The following FAM133A variants were observed in gnomAD, a reference collection of about 807,000 sequenced individuals.
FAM133A encodes the protein protein FAM133A.
For missense variants in FAM133A, 159 were observed against 164.4 expected, an observed-to-expected ratio of 0.97 and a Z score of 0.18; for synonymous variants, 65 against 58.6, an observed-to-expected ratio of 1.11 and a Z score of -0.50.
chrX:93,697,167 T>TTATATATATA (rs767010042), intron 2 of FAM133A, among the ~76,000 whole-genome samples: 45 of 93,725 alleles, frequency 4.8e-4, no homozygotes, highest in African/African-American at 1.9e-3. Flanking sequence ...TATAGGCAAG[T>TTATATATATA]TATATATATA....
chrX:93,709,579 G>A lies in FAM133A; in HGVS notation c.160G>A (p.Gly54Ser), dbSNP rs771153618. The A allele has an allele frequency of 8.3e-7, 1 of 1,200,866 alleles. No homozygotes were observed. The highest frequency in any genetic ancestry group is 1.1e-6 in the Non-Finnish European group (1 of 891,839). The change falls in exon 4 of 4, where the codon GGT (glycine) becomes AGT (serine). Residue 54 changes from glycine to serine, a missense_variant. Physicochemically the swap from Gly to Ser is moderately conservative, Grantham distance 56. Transcript: ENST00000683942. ...VKKQLENKKT[G>S]SKALAEFEEK... ...GAAACAATTAGAAAATAAAAAAACA[G>A]GTTCAAAAGCATTAGCTGAATTTGA... is the stretch of plus-strand genomic sequence containing the variant.
rs141172294 is a variant in FAM133A at position 93,688,196 on chromosome X, G to A, written c.-192-10201G>A. 1.9e-3 allele frequency among the ~76,000 whole-genome samples: 209 copies of A among 107,556 alleles called. 1 individual carries two copies. Among genetic ancestry groups the A allele is most frequent in the African/African-American group, 6.8e-3 (199 of 29,441 alleles). 93.4% of individuals were successfully genotyped at this position (107,556 alleles called of 115,157 possible). On this transcript the variant is annotated intron_variant, in intron 2 of 3. Transcript: ENST00000683942. Reference sequence around the variant, plus strand: ...ATATACACCAGGCAGTGGGATTGCTGGATCATATGGTAGTTCAATTTTTAG... The same window carrying A: ...ATATACACCAGGCAGTGGGATTGCTAGATCATATGGTAGTTCAATTTTTAG...
chrX:93,708,626 A>G (rs1264959830), intron 3 of FAM133A, among the ~76,000 whole-genome samples: 1 of 112,065 alleles, frequency 8.9e-6, no homozygotes, highest in Non-Finnish European at 1.9e-5. Flanking sequence ...AATAGAGACA[A>G]TGATAGGATC....
At chrX:93,694,373 G>A (rs1306749104) in intron 2 of FAM133A, among the ~76,000 whole-genome samples, 1 of 110,204 alleles carries the variant, frequency 9.1e-6, no homozygotes, top group African/African-American at 3.3e-5. Context: ...TTTAAAATTC[G>A]ATGTAGCGTG....
intron 2 of FAM133A, among the ~76,000 whole-genome samples, chrX:93,694,164 C>T (rs922568846): frequency 2.7e-5 from 3 of 110,422 alleles, no homozygotes; most frequent in African/African-American, 9.9e-5. Flanking sequence ...TATTACTGAG[C>T]ATCTTTTGAG....
chrX:93,706,977 G>A lies in FAM133A; in HGVS notation c.-103-2340G>A, dbSNP rs185440676. ...TTTCTGCTTAAAATAGTGTCTCCCC[G>A]TTAGCTTCACTGTAAATCCCACAGG... is the stretch of plus-strand genomic sequence containing the variant. On this transcript the variant is annotated intron_variant, in intron 3 of 3. Coordinates refer to ENST00000683942, the MANE Select transcript of FAM133A (RefSeq NM_001171109.2). Among the ~76,000 whole-genome samples the A allele has an allele frequency of 2.6e-4, 29 of 111,863 alleles. No individual in the cohort carries two copies. In the East Asian group the frequency reaches 3.9e-3, roughly 15 times the overall value.
rs150368592 is a variant in FAM133A at position 93,703,869 on chromosome X, G to T, written c.-104+5384G>T. 5.4e-3 allele frequency among the ~76,000 whole-genome samples: 611 copies of T among 112,265 alleles called. 3 individuals are homozygous for T. The highest frequency in any genetic ancestry group is 0.019 in the African/African-American group (589 of 30,981). ...TCACTTGACAGTTCTGTAGAGGGAA[G>T]AAAGAGGAAGAGATATTTTAAATTC... is the stretch of plus-strand genomic sequence containing the variant. On this transcript the variant is annotated intron_variant, in intron 3 of 3. Transcript: ENST00000683942.
intron 3 of FAM133A, among the ~76,000 whole-genome samples, chrX:93,702,575 A>G (rs983569613): frequency 9.0e-6 from 1 of 110,866 alleles, no homozygotes; most frequent in Non-Finnish European, 1.9e-5. Flanking sequence ...GCATACCACC[A>G]TCAAGAAGTT....
At chrX:93,685,877 G>A (rs752673124) in intron 2 of FAM133A, among the ~76,000 whole-genome samples, 93 of 111,166 alleles carry the variant, frequency 8.4e-4, no homozygotes, top group Non-Finnish European at 1.0e-3. Context: ...GGGAGGCCAA[G>A]GCGGACAGAT....
chrX:93,708,492 G>A (rs1927194340), intron 3 of FAM133A, among the ~76,000 whole-genome samples: 1 of 111,842 alleles, frequency 8.9e-6, no homozygotes, highest in Admixed American at 9.5e-5. Flanking sequence ...TGCCTTATTT[G>A]TGCAGCTTGG....
chrX:93,709,964 A>G lies in FAM133A; in HGVS notation c.545A>G (p.Lys182Arg), dbSNP rs769060390. ...DVRSLSKKRK[K>R]SYPDDKPLSS... ...AGAAGCCTCAGCAAAAAAAGAAAGAAAAGTTACCCTGATGATAAACCTTTA... is the reference window on the plus strand; with the variant it reads ...AGAAGCCTCAGCAAAAAAAGAAAGAGAAGTTACCCTGATGATAAACCTTTA... The change falls in exon 4 of 4, where the codon AAA becomes AGA. Residue 182 changes from lysine to arginine, a missense_variant. Physicochemically the swap from Lys to Arg is conservative, Grantham distance 26. Transcript: ENST00000683942. The G allele has an allele frequency of 1.7e-6, 2 of 1,187,939 alleles. No individual in the cohort carries two copies. The highest frequency in any genetic ancestry group is 6.0e-5 in the East Asian group (2 of 33,204).
At chrX:93,675,199 G>A (rs1019242520) in intron 2 of FAM133A, among the ~76,000 whole-genome samples, 2 of 111,620 alleles carry the variant, frequency 1.8e-5, no homozygotes, top group African/African-American at 6.5e-5. Flanking sequence ...TCCAACAGTA[G>A]TAAAAACACA....
Position 93,709,308 on chromosome X carries a change from C to G in FAM133A, c.-103-9C>G. On this transcript the variant is annotated splice_polypyrimidine_tract_variant and intron_variant, in intron 3 of 3. Coordinates refer to ENST00000683942, the MANE Select transcript of FAM133A (RefSeq NM_001171109.2). ...TGATTTGTAATCATTCCATCTGCTTCTCTTACAGAATGGAGCTTGCTTGAT... is the reference window on the plus strand; with the variant it reads ...TGATTTGTAATCATTCCATCTGCTTGTCTTACAGAATGGAGCTTGCTTGAT... 2 of 966,072 alleles carry G rather than the reference C, an allele frequency of 2.1e-6. No individual in the cohort carries two copies. Among genetic ancestry groups the G allele is most frequent in the Non-Finnish European group, 2.7e-6 (2 of 749,965 alleles). The allele number at this position is 966,072 out of a possible 1,213,427, so 79.6% of individuals were successfully genotyped here.
At chrX:93,688,166 G>A (rs1397274091) in intron 2 of FAM133A, among the ~76,000 whole-genome samples, 2 of 107,795 alleles carry the variant, frequency 1.9e-5, no homozygotes, top group Non-Finnish European at 3.8e-5. Context: ...TTTTTTGGCG[G>A]AGGGATATAC....
At chrX:93,703,654 T>G (rs930067991) in intron 3 of FAM133A, among the ~76,000 whole-genome samples, 19 of 112,530 alleles carry the variant, frequency 1.7e-4, no homozygotes, top group African/African-American at 5.8e-4. Flanking sequence ...TCAAAATGTC[T>G]TACTATATTA....
At chrX:93,691,630 C>T (rs2147618363) in intron 2 of FAM133A, among the ~76,000 whole-genome samples, 1 of 111,828 alleles carries the variant, frequency 8.9e-6, no homozygotes, top group East Asian at 2.8e-4. Context: ...ATCCCTTGTA[C>T]TCTTATACGA....
intron 2 of FAM133A, among the ~76,000 whole-genome samples, chrX:93,688,487 C>T (rs1009279703): frequency 9.0e-6 from 1 of 111,101 alleles, no homozygotes; most frequent in Non-Finnish European, 1.9e-5. Flanking sequence ...GCCTTACTTT[C>T]CCCATATAGA....
chrX:93,673,883 C>T (rs939973379), upstream of FAM133A: 2 of 105,398 alleles, frequency 1.9e-5, no homozygotes, highest in Admixed American at 2.1e-4. Flanking sequence ...GGTAAAAATA[C>T]CAGCCATAGT....
rs1468527573 is a variant in FAM133A, at chrX:93,677,602, CTAGA to C, written c.-193+2853_-193+2856del. 2.7e-5 allele frequency among the ~76,000 whole-genome samples: 3 copies of C among 111,708 alleles called. No individual in the cohort carries two copies. In the East Asian group the frequency reaches 8.4e-4, roughly 31 times the overall value. ...TGCCTTTGAATCCCTCCTCTTGTCC[CTAGA>C]TATTCACTGATCTGTTTTCTGTTCC... is the stretch of plus-strand genomic sequence containing the variant. On this transcript the variant is annotated intron_variant, in intron 2 of 3. Coordinates refer to ENST00000683942, the MANE Select transcript of FAM133A (RefSeq NM_001171109.2).
Sources: gnomAD v4.1 joint callset for allele counts (sites outside exome capture counted in the v4.1 genomes callset) on GRCh38, gnomAD v4.1.1 for gene constraint, MANE v1.5 for transcripts, NCBI Gene and HGNC (gene_info 2026-07-23, HGNC 2026-07-21) for gene names.